Variants in DCLRE1B observed in about 807,000 individuals in gnomAD.
DCLRE1B encodes the protein 5' exonuclease Apollo.
A neutral mutation model predicts 19.8 loss-of-function variants in DCLRE1B; 6 were observed. That is an observed-to-expected ratio of 0.30 (90% CI 0.17 to 0.60). The LOEUF (loss-of-function observed/expected upper bound fraction) is 0.60. Among genes scored for constraint, DCLRE1B ranks in the 20% least tolerant of loss-of-function variants. The pLI is 0.87. For synonymous variants in DCLRE1B, 258 were observed against 255.7 expected, an observed-to-expected ratio of 1.01 and a Z score of -0.09; for missense variants, 622 against 654.2, an observed-to-expected ratio of 0.95 and a Z score of 0.54.
At chr1:113,907,225 T>C in intron 2 of DCLRE1B, 64 bp downstream of exon 2, 1 of 1,332,056 alleles carries the variant, frequency 7.5e-7, no homozygotes, top group East Asian at 2.5e-5. Context: ...TTTTTTTTTT[T>C]TTTTTTTTTA....
chr1:113,911,683 C>T lies in DCLRE1B; in HGVS notation c.1091C>T (p.Ser364Phe). The change falls in exon 4 of 4, where the codon TCT (serine) becomes TTT (phenylalanine). Residue 364 changes from serine (S) to phenylalanine (F), a missense_variant. Physicochemically the swap from Ser to Phe is radical, Grantham distance 155 (BLOSUM62 -2). Around this residue, in one of 3 missense-constraint regions of DCLRE1B, gnomAD observed 382 missense variants for 412.5 expected, o/e 0.93. Transcript: ENST00000650450. ...FESPEESADQ[S>F]QADRDSKKAK... is the part of the protein sequence containing the mutation. ...TCCCCTGAGGAAAGTGCTGATCAAT[C>T]TCAAGCTGACAGAGACTCAAAGAAG... The T allele has an allele frequency of 6.2e-7, 1 of 1,613,514 alleles. No individual in the cohort carries two copies. Among genetic ancestry groups the T allele is most frequent in the Non-Finnish European group, 8.5e-7 (1 of 1,179,692 alleles).
chr1:113,908,332 G>A, intron 3 of DCLRE1B, 141 bp downstream of exon 3: 1 of 1,176,062 alleles, frequency 8.5e-7, no homozygotes, highest in South Asian at 1.6e-5. Context: ...ACCTGGCTAG[G>A]TGTGGTGGTT....
rs745681201 is a variant in DCLRE1B, at chr1:113,907,144, G to A, written c.338G>A (p.Gly113Glu). The A allele has an allele frequency of 6.4e-7, 1 of 1,574,462 alleles. No homozygotes were observed. Among genetic ancestry groups the A allele is most frequent in the Non-Finnish European group, 8.6e-7 (1 of 1,157,156 alleles). The change falls in exon 2 of 4, where the codon GGA becomes GAA. Residue 113 changes from glycine to glutamate, a missense_variant. Gly to Glu is a moderately conservative substitution (Grantham distance 98). Coordinates refer to ENST00000650450, the MANE Select transcript of DCLRE1B (RefSeq NM_022836.4). ...SVMFLFEGYF[G>E]TILYTGDFRY... is the part of the protein sequence containing the mutation. ...ATGTTTCTCTTTGAAGGATATTTTG[G>A]AACCATCCTCTACACAGGTGGGCCT...
At chr1:113,911,087 T>G (rs756677969) in intron 3 of DCLRE1B, 44 bp from the exon 4 acceptor site, 7 of 1,523,950 alleles carry the variant, frequency 4.6e-6, no homozygotes, top group Non-Finnish European at 5.3e-6. Context: ...TAGCTTAATT[T>G]TCTTCCTTCT....
intron 3 of DCLRE1B, 28 bp downstream of exon 3, chr1:113,908,219 C>A: frequency 6.2e-7 from 1 of 1,604,290 alleles, no homozygotes; most frequent in South Asian, 1.1e-5. Flanking sequence ...AGTTTCCTGT[C>A]ACCTGTAGAT....
chr1:113,905,350 C>T lies in DCLRE1B; in HGVS notation c.-237C>T. On this transcript the variant is annotated 5_prime_UTR_variant, in exon 1 of 4. Coordinates refer to ENST00000650450, the MANE Select transcript of DCLRE1B (RefSeq NM_022836.4). Reference sequence around the variant, plus strand: ...CGCTTTGAGTGCCCGGCTCGGCCTCCGCTCCCGCGCGGTTGGGAGTGTCCA... The same window carrying T: ...CGCTTTGAGTGCCCGGCTCGGCCTCTGCTCCCGCGCGGTTGGGAGTGTCCA... 1.9e-6 allele frequency: 1 copy of T among 524,544 alleles called. No homozygotes were observed. The highest frequency in any genetic ancestry group is 3.3e-6 in the Non-Finnish European group (1 of 300,226). 32.5% of individuals were successfully genotyped at this position (524,544 alleles called of 1,614,324 possible).
Position 113,905,757 on chromosome 1 carries a change from C to A in DCLRE1B, c.171C>A (p.Leu57=). ...ACTGCTCCCCAATTACAGCCCACCT[C>A]TTGCATCGTCACCTACAGGTATGGG... ...PLYCSPITAH[L]LHRHLQVSKQ... Residue 57 remains leucine, a synonymous_variant, in exon 1 of 4, where the codon CTC becomes CTA. Coordinates refer to ENST00000650450, the MANE Select transcript of DCLRE1B (RefSeq NM_022836.4). The A allele has an allele frequency of 1.2e-6, 2 of 1,613,588 alleles. No individual in the cohort carries two copies. Among genetic ancestry groups the A allele is most frequent in the Non-Finnish European group, 1.7e-6 (2 of 1,179,730 alleles).
At chr1:113,905,809 C>G in intron 1 of DCLRE1B, 34 bp downstream of exon 1, 1 of 1,585,658 alleles carries the variant, frequency 6.3e-7, no homozygotes, top group South Asian at 1.1e-5. Context: ...GAGAGCTGGT[C>G]CAGGCATCTG....
rs780902066 is a variant in DCLRE1B at position 113,907,141 on chromosome 1, T to G, written c.335T>G (p.Phe112Cys). The part of the protein sequence containing the change: ...GSVMFLFEGY[F>C]GTILYTGDFR... ...GTCATGTTTCTCTTTGAAGGATATT[T>G]TGGAACCATCCTCTACACAGGTGGG... is the stretch of plus-strand genomic sequence containing the variant. Residue 112 changes from phenylalanine (F) to cysteine (C), a missense_variant, in exon 2 of 4, where the codon TTT (phenylalanine) becomes TGT (cysteine). By Grantham distance (205) the Phe-to-Cys change is radical. Transcript: ENST00000650450. The G allele has an allele frequency of 6.2e-7, 1 of 1,600,564 alleles. No homozygotes were observed. The highest frequency in any genetic ancestry group is 1.1e-5 in the South Asian group (1 of 90,882).
rs1558110920 is a variant in DCLRE1B at position 113,912,168 on chromosome 1, G to A, written c.1576G>A (p.Glu526Lys). Residue 526 changes from glutamate to lysine, a missense_variant, in exon 4 of 4, where the codon GAA becomes AAA. This residue lies in a region of DCLRE1B where 382 missense variants were observed against 412.5 expected (regional missense o/e 0.93). Transcript: ENST00000650450. ...YSSRRFDQQV[E>K]KYHKPC The stretch of plus-strand genomic sequence containing the variant: ...TTCCAGGAGATTTGACCAGCAAGTG[G>A]AAAAATACCATAAACCCTGCTGAAG... 2 of 1,613,116 alleles carry A rather than the reference G, an allele frequency of 1.2e-6. No individual in the cohort carries two copies. Among genetic ancestry groups the A allele is most frequent in the African/African-American group, 2.7e-5 (2 of 74,902 alleles).
At position 113,912,005 on chromosome 1, in the gene DCLRE1B, G is replaced by A. The variant is rs2101075909; in HGVS notation, c.1413G>A (p.Gly471=). The A allele has an allele frequency of 1.9e-6, 3 of 1,614,196 alleles. No individual in the cohort carries two copies. The highest frequency in any genetic ancestry group is 2.5e-6 in the Non-Finnish European group (3 of 1,180,042). The change falls in exon 4 of 4, where the codon GGG becomes GGA. Residue 471 remains glycine, a synonymous_variant. Coordinates refer to ENST00000650450, the MANE Select transcript of DCLRE1B (RefSeq NM_022836.4). ...ATGATGGAGGTCCAGAAGCCACAGG[G>A]AATCAGAGTGCCTGGATGGGCCATG... is the stretch of plus-strand genomic sequence containing the variant. ...GDDDGGPEAT[G]NQSAWMGHGS...
In DCLRE1B at chr1:113,913,366, A is replaced by T. The variant is rs1291142314; in HGVS notation, c.*1175A>T. On this transcript the variant is annotated 3_prime_UTR_variant, in exon 4 of 4. Transcript: ENST00000650450. ...CCATTTCTTGTCCAGGGGATTTAAA[A>T]GAGTTTTCTGCTTTGAGAGAGAAAT... 2.0e-5 allele frequency: 3 copies of T among 152,796 alleles called. No homozygotes were observed. The highest frequency in any genetic ancestry group is 4.4e-5 in the Non-Finnish European group (3 of 68,054). 9.5% of individuals were successfully genotyped at this position (152,796 alleles called of 1,614,324 possible). A position where few individuals can be genotyped will look rare whatever the true frequency, so the allele number is the denominator to read the frequency against.
Position 113,908,067 on chromosome 1 carries a change from G to T in DCLRE1B, c.414G>T (p.Gln138His), listed in dbSNP as rs141962323. Reference sequence around the variant, plus strand: ...AGCCAGCCCTGACACTGGGGAAACAGATCCATACTTTATACCTAGACAACA... The same window carrying T: ...AGCCAGCCCTGACACTGGGGAAACATATCCATACTTTATACCTAGACAACA... The part of the protein sequence containing the change: ...LKEPALTLGK[Q>H]IHTLYLDNTN... The change falls in exon 3 of 4, where the codon CAG (glutamine) becomes CAT (histidine). Residue 138 changes from glutamine to histidine, a missense_variant. By Grantham distance (24) the Gln-to-His change is conservative (BLOSUM62 0). Coordinates refer to ENST00000650450, the MANE Select transcript of DCLRE1B (RefSeq NM_022836.4). 21 of 1,614,074 alleles carry T rather than the reference G, an allele frequency of 1.3e-5. 1 individual carries two copies. Among genetic ancestry groups the T allele is most frequent in the Non-Finnish European group, 1.8e-5 (21 of 1,180,042 alleles).
Position 113,911,223 on chromosome 1 carries a change from G to A in DCLRE1B, c.631G>A (p.Val211Ile), listed in dbSNP as rs1669238952. 4 of 1,614,168 alleles carry A rather than the reference G, an allele frequency of 2.5e-6. No individual in the cohort carries two copies. The East Asian group carries it at 8.9e-5, about 36-fold the overall frequency. Residue 211 changes from valine to isoleucine, a missense_variant, in exon 4 of 4, where the codon GTA (valine) becomes ATA (isoleucine). Around this residue, in one of 3 missense-constraint regions of DCLRE1B, gnomAD observed 382 missense variants for 412.5 expected, o/e 0.93. Coordinates refer to ENST00000650450, the MANE Select transcript of DCLRE1B (RefSeq NM_022836.4). ...ATTGAGTCCTCGGCGCCTGGAGTTG[G>A]TACAGCTACTGGGCCTGGCAGATGT... is the stretch of plus-strand genomic sequence containing the variant. ...VVLSPRRLEL[V>I]QLLGLADVFT... is the part of the protein sequence containing the mutation.
At chr1:113,908,354 T>C (rs1161186973) in intron 3 of DCLRE1B, among the ~76,000 whole-genome samples, 163 bp downstream of exon 3, 1 of 152,210 alleles carries the variant, frequency 6.6e-6, no homozygotes, top group African/African-American at 2.4e-5. Context: ...ATGCCTATAA[T>C]CCCAGCACTT....
chr1:113,908,893 A>AG (rs1402189989), intron 3 of DCLRE1B, among the ~76,000 whole-genome samples: 3 of 152,214 alleles, frequency 2.0e-5, no homozygotes, highest in Non-Finnish European at 1.5e-5. Context: ...GAGAAGCAGC[A>AG]GTCAGTATGA....
At chr1:113,906,551 C>T (rs1250308941) in intron 1 of DCLRE1B, among the ~76,000 whole-genome samples, 2 of 149,550 alleles carry the variant, frequency 1.3e-5, no homozygotes, top group Non-Finnish European at 3.0e-5. Flanking sequence ...AGTGCAGTGG[C>T]GCAAACTCGG....
At position 113,908,194 on chromosome 1, in the gene DCLRE1B, G is replaced by C; in HGVS notation, c.538+3G>C. On this transcript the variant is annotated splice_donor_region_variant and intron_variant, in intron 3 of 3. Coordinates refer to ENST00000650450, the MANE Select transcript of DCLRE1B (RefSeq NM_022836.4). ...CCCACAACATAACATAAAGATTGGT[G>C]AGTTGTTTCCTTTCAGTTTCCTGTC... 6.2e-7 allele frequency: 1 copy of C among 1,612,036 alleles called. No homozygotes were observed. Among genetic ancestry groups the C allele is most frequent in the Non-Finnish European group, 8.5e-7 (1 of 1,179,048 alleles).
upstream of DCLRE1B, chr1:113,904,819 G>A (rs1668769781): frequency 9.6e-7 from 1 of 1,045,710 alleles, no homozygotes; most frequent in African/African-American, 1.6e-5. Flanking sequence ...ATGAGTCAGT[G>A]AAAATACAAA....
Sources: gnomAD v4.1 joint callset for allele counts (sites outside exome capture counted in the v4.1 genomes callset) on GRCh38, gnomAD v4.1.1 for gene constraint, gnomAD v4.1.1 regional missense constraint, MANE v1.5 for transcripts, NCBI Gene and HGNC (gene_info 2026-07-23, HGNC 2026-07-21) for gene names.